FABP12: variants seen among roughly 807,000 people sequenced by gnomAD.
The protein encoded by FABP12 is fatty acid-binding protein 12.
Under a neutral mutation model 13.7 loss-of-function variants are expected in FABP12, and 19 were observed. That is an observed-to-expected ratio of 1.39 (90% CI 0.97 to 2.04). FABP12 has a LOEUF of 2.04. Among genes scored for constraint, FABP12 ranks in the 30% most tolerant of loss-of-function variants. FABP12 has a pLI of 0.00. For missense variants in FABP12, 182 were observed against 164.2 expected (o/e 1.11, Z -0.59); for synonymous variants, 61 against 57.0 (o/e 1.07, Z -0.32).
chr8:81,543,101 G>A lies in FABP12; in HGVS notation c.-184-3358C>T, dbSNP rs137962333. On this transcript the variant is annotated intron_variant, in intron 1 of 5. Transcript: ENST00000692030. ...TTTAAGCTTAACATTTTCACACTTC[G>A]GAGTCTAAAAATTACAATGAAATAT... is the stretch of plus-strand genomic sequence containing the variant. 1.4e-3 allele frequency among the ~76,000 whole-genome samples: 220 copies of A among 152,176 alleles called. 1 individual carries two copies. Among genetic ancestry groups the A allele is most frequent in the African/African-American group, 5.2e-3 (214 of 41,526 alleles).
intron 3 of FABP12, 127 bp from the exon 4 acceptor site, chr8:81,527,248 CTA>C (rs1585831851): frequency 2.0e-6 from 1 of 503,250 alleles, no homozygotes; most frequent in Non-Finnish European, 3.5e-6. Flanking sequence ...ATTGACAACT[CTA>C]TTTATTTTAA....
intron 1 of FABP12, among the ~76,000 whole-genome samples, chr8:81,531,888 A>G (rs1809085017): frequency 1.3e-5 from 2 of 152,134 alleles, no homozygotes; most frequent in South Asian, 4.1e-4. Context: ...TGCACAATGA[A>G]AAAGAGAATG....
intron 1 of FABP12, among the ~76,000 whole-genome samples, chr8:81,567,015 C>T (rs1325243664): frequency 6.6e-6 from 1 of 152,016 alleles, no homozygotes; most frequent in East Asian, 1.9e-4. Context: ...ATGCCAACAG[C>T]AAACAATCTG....
exon 5 of FABP12, chr8:81,525,014 C>T: frequency 7.0e-7 from 1 of 1,425,570 alleles, no homozygotes; most frequent in Non-Finnish European, 9.8e-7. Context: ...TTTAAACAAC[C>T]TCAGTAGTTT....
rs1398257196 is a variant in FABP12 at position 81,556,914 on chromosome 8, T to C, written c.-184-17171A>G. 2.7e-5 allele frequency among the ~76,000 whole-genome samples: 4 copies of C among 146,628 alleles called. No homozygotes were observed. In the South Asian group the frequency reaches 6.6e-4, roughly 24 times the overall value. Reference sequence around the variant, plus strand: ...TTTTTTTTTTTTGCGAGACAGAGTCTTGCTCTGTCACCCAGGATGGAGTGA... The same window carrying C: ...TTTTTTTTTTTTGCGAGACAGAGTCCTGCTCTGTCACCCAGGATGGAGTGA... On this transcript the variant is annotated intron_variant, in intron 1 of 5. Transcript: ENST00000692030.
At chr8:81,561,894 A>T (rs1209042668) in intron 1 of FABP12, among the ~76,000 whole-genome samples, 1 of 152,160 alleles carries the variant, frequency 6.6e-6, no homozygotes, top group Admixed American at 6.5e-5. Context: ...TTCCCAGGAA[A>T]GTCCTGGTGC....
At chr8:81,525,544 A>AGAT (rs201063483) in intron 4 of FABP12, among the ~76,000 whole-genome samples, 2,598 of 150,992 alleles carry the variant, frequency 0.017, 77 homozygotes, top group African/African-American at 0.061. Context: ...ATAGATAGAT[A>AGAT]GATAGATAGA....
At chr8:81,586,191 G>C (rs998749092) in intron 1 of FABP12, among the ~76,000 whole-genome samples, 1 of 151,490 alleles carries the variant, frequency 6.6e-6, no homozygotes, top group Non-Finnish European at 1.5e-5. Flanking sequence ...TTTTATAGCT[G>C]TGTAGTACTC....
intron 1 of FABP12, among the ~76,000 whole-genome samples, chr8:81,545,816 A>C (rs900636521): frequency 6.6e-6 from 1 of 152,172 alleles, no homozygotes; most frequent in Non-Finnish European, 1.5e-5. Flanking sequence ...ATTCAGGGTC[A>C]CTCATTCTCC....
intron 1 of FABP12, among the ~76,000 whole-genome samples, chr8:81,544,597 G>A (rs59583530): frequency 0.016 from 2,431 of 151,976 alleles, 60 homozygotes; most frequent in African/African-American, 0.056. Context: ...GGGGAACAAG[G>A]TCTCTTAATA....
intron 1 of FABP12, among the ~76,000 whole-genome samples, chr8:81,553,926 G>A (rs1002959343): frequency 2.6e-5 from 4 of 152,148 alleles, no homozygotes; most frequent in African/African-American, 9.7e-5. Context: ...TTTCACTCAT[G>A]TAACCTTGGT....
intron 1 of FABP12, among the ~76,000 whole-genome samples, chr8:81,561,841 C>T (rs1034939846): frequency 2.0e-5 from 3 of 152,106 alleles, no homozygotes; most frequent in African/African-American, 7.2e-5. Context: ...GCTCTGGGGT[C>T]CTAAATAAAC....
At chr8:81,549,126 G>C (rs1238296492) in intron 1 of FABP12, among the ~76,000 whole-genome samples, 1 of 151,970 alleles carries the variant, frequency 6.6e-6, no homozygotes, top group Non-Finnish European at 1.5e-5. Context: ...GGTCTCCAGT[G>C]CCAGCTTCAC....
At chr8:81,589,122 T>C (rs997002495) in intron 1 of FABP12, among the ~76,000 whole-genome samples, 6 of 152,274 alleles carry the variant, frequency 3.9e-5, no homozygotes, top group African/African-American at 1.2e-4. Context: ...GAAAGCTCCA[T>C]AAAGAGCAAA....
intron 4 of FABP12, chr8:81,525,885 C>T (rs143701551): frequency 2.0e-5 from 3 of 152,110 alleles, no homozygotes; most frequent in African/African-American, 7.2e-5. Context: ...TCTCAGAAAA[C>T]CTTTGGCAAA....
chr8:81,561,147 C>T (rs182099224), intron 1 of FABP12, among the ~76,000 whole-genome samples: 154 of 152,320 alleles, frequency 1.0e-3, no homozygotes, highest in African/African-American at 3.7e-3. Flanking sequence ...TTTTTGGTCA[C>T]TGTGAGAGCT....
intron 1 of FABP12, among the ~76,000 whole-genome samples, chr8:81,584,349 C>A (rs74328135): frequency 0.028 from 4,219 of 152,344 alleles, 91 homozygotes; most frequent in South Asian, 0.087. Flanking sequence ...GCAGCTCCAT[C>A]TTCCCCACTC....
At chr8:81,527,880 G>A (rs1463280988) in intron 3 of FABP12, among the ~76,000 whole-genome samples, 1 of 151,934 alleles carries the variant, frequency 6.6e-6, no homozygotes, top group Non-Finnish European at 1.5e-5. Flanking sequence ...AATCACCTGA[G>A]CCTGGGTGGT....
chr8:81,544,519 G>A (rs895496600), intron 1 of FABP12, among the ~76,000 whole-genome samples: 1 of 152,092 alleles, frequency 6.6e-6, no homozygotes, highest in African/African-American at 2.4e-5. Flanking sequence ...ATTAGAGTGT[G>A]GACATATTTT....
Sources: gnomAD v4.1 joint callset for allele counts (sites outside exome capture counted in the v4.1 genomes callset) on GRCh38, gnomAD v4.1.1 for gene constraint, MANE v1.5 for transcripts, NCBI Gene and HGNC (gene_info 2026-07-23, HGNC 2026-07-21) for gene names.